Variants in PCDH15 observed in about 807,000 individuals in gnomAD.
PCDH15 encodes protocadherin-15.
In PCDH15, 129 loss-of-function variants were observed where a neutral mutation model predicts 178.5. That is an observed-to-expected ratio of 0.72 (90% CI 0.63 to 0.84). The LOEUF (loss-of-function observed/expected upper bound fraction) is 0.84, where lower values mean the gene tolerates loss of function less well. PCDH15 is among the 40% of genes least tolerant of loss of function. PCDH15 has a pLI of 0.00. For synonymous variants in PCDH15, 800 were observed against 732.0 expected (o/e 1.09, Z -1.50); for missense variants, 2,230 against 2,099.9 (o/e 1.06, Z -1.21).
chr10:54,641,100 C>T (rs757686348), intron 2 of PCDH15: 4 of 274,850 alleles, frequency 1.5e-5, no homozygotes, highest in Non-Finnish European at 2.9e-5. Context: ...CCATTTCTGT[C>T]TCAACAAAAT....
intron 3 of PCDH15, among the ~76,000 whole-genome samples, chr10:54,385,395 T>C (rs1291496749): frequency 2.0e-5 from 3 of 152,160 alleles, no homozygotes; most frequent in African/African-American, 7.2e-5. Flanking sequence ...GTTTTGTTTC[T>C]ATAGGTAATT....
At chr10:54,724,504 T>A (rs1366146657) in intron 1 of PCDH15, among the ~76,000 whole-genome samples, 1 of 151,380 alleles carries the variant, frequency 6.6e-6, no homozygotes, top group East Asian at 1.9e-4. Flanking sequence ...GTAACAAATA[T>A]GCATATATAC....
chr10:54,114,941 G>A (rs1590557755), intron 15 of PCDH15, among the ~76,000 whole-genome samples: 1 of 152,180 alleles, frequency 6.6e-6, no homozygotes, highest in East Asian at 1.9e-4. Context: ...GAGAAGCCAT[G>A]TCAGGAATTT....
chr10:55,261,093 T>C (rs1298548108), intron 1 of PCDH15, among the ~76,000 whole-genome samples: 1 of 152,194 alleles, frequency 6.6e-6, no homozygotes, highest in Non-Finnish European at 1.5e-5. Context: ...TGAAATAGTA[T>C]ACCTGGCCAT....
intron 2 of PCDH15, among the ~76,000 whole-genome samples, chr10:55,062,770 C>A (rs1196322477): frequency 1.3e-5 from 2 of 152,098 alleles, no homozygotes; most frequent in African/African-American, 4.8e-5. Context: ...ATAGACTCAT[C>A]AATTGCAACA....
chr10:54,806,276 A>G (rs572888597), upstream of PCDH15, among the ~76,000 whole-genome samples: 36 of 152,250 alleles, frequency 2.4e-4, no homozygotes, highest in African/African-American at 7.7e-4. Flanking sequence ...GTATTGTTGT[A>G]TAACAAATTA....
intron 2 of PCDH15, among the ~76,000 whole-genome samples, chr10:55,404,096 T>C (rs993084129): frequency 3.3e-5 from 5 of 151,980 alleles, no homozygotes; most frequent in Non-Finnish European, 7.4e-5. Flanking sequence ...ACAAAATATG[T>C]TTAAATGTAT....
chr10:54,096,030 T>A (rs543607636), intron 15 of PCDH15, among the ~76,000 whole-genome samples: 110 of 152,242 alleles, frequency 7.2e-4, no homozygotes, highest in African/African-American at 2.6e-3. Flanking sequence ...CAAAACAATC[T>A]TCTCTGGAGA....
chr10:55,254,245 T>C (rs561485668), intron 1 of PCDH15, among the ~76,000 whole-genome samples: 48 of 152,306 alleles, frequency 3.2e-4, no homozygotes, highest in African/African-American at 1.2e-3. Flanking sequence ...AATTATAACA[T>C]GGTACATAAT....
At chr10:54,832,398 C>T (rs372895729) in intron 3 of PCDH15, among the ~76,000 whole-genome samples, 11 of 152,120 alleles carry the variant, frequency 7.2e-5, no homozygotes, top group Admixed American at 5.2e-4. Context: ...GATATATAAA[C>T]ATGCAGAGAT....
At position 55,156,129 on chromosome 10, in the gene PCDH15, A is replaced by T. The variant is rs560145092; in HGVS notation, c.-80+10447T>A. 3.3e-5 allele frequency among the ~76,000 whole-genome samples: 5 copies of T among 152,282 alleles called. No individual in the cohort carries two copies. In the East Asian group the frequency reaches 9.6e-4, roughly 29 times the overall value. On this transcript the variant is annotated intron_variant, in intron 2 of 5. Transcript: ENST00000458638. ...CTCCAATCCATTGCACAAATAATTT[A>T]TATCTGCAAAATGTATGTATGGATA...
chr10:55,145,849 A>G (rs1438429559), intron 2 of PCDH15, among the ~76,000 whole-genome samples: 1 of 147,520 alleles, frequency 6.8e-6, no homozygotes, highest in Non-Finnish European at 1.5e-5. Context: ...AAAATAATCC[A>G]GTTAAGTACT....
At chr10:54,738,144 C>T (rs528060324) in intron 1 of PCDH15, among the ~76,000 whole-genome samples, 3 of 152,190 alleles carry the variant, frequency 2.0e-5, no homozygotes, top group Admixed American at 6.6e-5. Flanking sequence ...TTAAGAAGGA[C>T]AGATCATGTA....
Position 54,305,948 on chromosome 10 carries a change from G to A in PCDH15, c.876+11323C>T, listed in dbSNP as rs373510818. On this transcript the variant is annotated intron_variant, in intron 8 of 37. Transcript: ENST00000644397. ...AGGTAGTAGAAGCAGATGGGATGAG[G>A]CAAATGAGACAAGATAGTGTAGGAC... Among the ~76,000 whole-genome samples the A allele has an allele frequency of 2.1e-3, 317 of 152,128 alleles. 1 individual carries two copies. The highest frequency in any genetic ancestry group is 5.3e-3 in the African/African-American group (221 of 41,536).
intron 2 of PCDH15, among the ~76,000 whole-genome samples, chr10:54,553,717 T>C (rs1009375412): frequency 6.6e-6 from 1 of 152,146 alleles, no homozygotes; most frequent in Admixed American, 6.5e-5. Context: ...CTTATTCTTA[T>C]CCTGTTCAGT....
At chr10:55,053,933 G>T (rs1297159074) in intron 2 of PCDH15, among the ~76,000 whole-genome samples, 2 of 152,114 alleles carry the variant, frequency 1.3e-5, no homozygotes, top group African/African-American at 4.8e-5. Flanking sequence ...TTAGAGAAAA[G>T]CGAAGAAAAC....
chr10:54,192,911 A>G (rs7084434), intron 11 of PCDH15, among the ~76,000 whole-genome samples: 35,105 of 152,046 alleles, frequency 0.23, 6,067 homozygotes, highest in African/African-American at 0.49. Context: ...AAAGACACAT[A>G]CCAAGGCAGC....
At chr10:55,054,391 T>C in intron 2 of PCDH15, among the ~76,000 whole-genome samples, 1 of 152,234 alleles carries the variant, frequency 6.6e-6, no homozygotes, top group East Asian at 1.9e-4. Context: ...TACTCCATAG[T>C]GTATATGTAC....
At chr10:54,462,476 C>CTTTCTTTCTTTTCT (rs1554983512) in intron 3 of PCDH15, among the ~76,000 whole-genome samples, 1 of 123,942 alleles carries the variant, frequency 8.1e-6, no homozygotes. Flanking sequence ...TCCTTTCTTT[C>CTTTCTTTCTTTTCT]TTTCTTTTCT....
Sources: allele counts gnomAD v4.1 joint callset (sites outside exome capture counted in the v4.1 genomes callset), GRCh38; gene constraint gnomAD v4.1.1; transcripts MANE v1.5; gene names NCBI Gene and HGNC (gene_info 2026-07-23, HGNC 2026-07-21).